The following PDE1C variants were observed in gnomAD, a reference collection of about 807,000 sequenced individuals.
The protein encoded by PDE1C is dual specificity calcium/calmodulin-dependent 3',5'-cyclic nucleotide phosphodiesterase 1C.
PDE1C carries 62 observed loss-of-function variants against 93.1 expected under a neutral mutation model. The ratio of observed to expected loss-of-function variants is 0.67; its 90% CI spans 0.54 to 0.82. The LOEUF is 0.82. Ranked by LOEUF, PDE1C falls within the 40% of genes least tolerant of loss-of-function variation. The probability of loss-of-function intolerance (pLI) is 0.00; values close to 1 mark genes in which losing one functional copy is unlikely to be tolerated. For synonymous variants in PDE1C, 325 were observed against 310.1 expected (o/e 1.05, Z -0.50); for missense variants, 742 against 884.6 (o/e 0.84, Z 2.04).
At chr7:31,877,366 T>A (rs1583735706) in intron 5 of PDE1C, among the ~76,000 whole-genome samples, 1 of 152,150 alleles carries the variant, frequency 6.6e-6, no homozygotes, top group African/African-American at 2.4e-5. Flanking sequence ...CAAGCATTTG[T>A]ATGACTTCCA....
At chr7:31,708,424 G>A in the PDE1C span, 2 of 152,206 alleles carry the variant, frequency 1.3e-5, no homozygotes, top group African/African-American at 4.8e-5. Flanking sequence ...AAAGATACAA[G>A]AGCTTGCCGG....
intron 1 of PDE1C, among the ~76,000 whole-genome samples, chr7:32,360,446 A>G (rs867867012): frequency 6.7e-6 from 1 of 149,066 alleles, no homozygotes. Context: ...GGTCTTTCTC[A>G]TTTTGTGAAC....
rs147401319 is a variant in PDE1C at position 32,420,858 on chromosome 7, C to T, written c.310+6964G>A. On this transcript the variant is annotated intron_variant, in intron 1 of 1. Coordinates refer to the PDE1C transcript ENST00000672256. ...TAGCTTCAATTGCTTCCAACCATGG[C>T]TCAATGTGAGAGTCCGTTTTCCTGA... Among the ~76,000 whole-genome samples, 1,017 of 152,220 alleles carry T rather than the reference C, an allele frequency of 6.7e-3. 4 individuals carry two copies. The highest frequency in any genetic ancestry group is 0.01 in the Non-Finnish European group (686 of 68,028).
chr7:31,990,052 C>T (rs1297530816), intron 2 of PDE1C, among the ~76,000 whole-genome samples: 1 of 152,206 alleles, frequency 6.6e-6, no homozygotes, highest in African/African-American at 2.4e-5. Flanking sequence ...AAAGCAGCTA[C>T]AGTCACATGT....
At chr7:31,996,213 G>A (rs531461293) in intron 2 of PDE1C, among the ~76,000 whole-genome samples, 4 of 152,154 alleles carry the variant, frequency 2.6e-5, no homozygotes, top group Admixed American at 1.3e-4. Flanking sequence ...AAGAAACATC[G>A]TGATTACTCT....
chr7:32,364,431 C>T (rs1784191937), intron 1 of PDE1C, among the ~76,000 whole-genome samples: 1 of 152,186 alleles, frequency 6.6e-6, no homozygotes, highest in Non-Finnish European at 1.5e-5. Context: ...AAGCACTGGC[C>T]TCTGCAGCCC....
At chr7:31,771,575 T>C (rs1795490514) in intron 17 of PDE1C, among the ~76,000 whole-genome samples, 1 of 152,212 alleles carries the variant, frequency 6.6e-6, no homozygotes, top group South Asian at 2.1e-4. Context: ...CTTTTGTTGT[T>C]GTTGCTGCTG....
intron 2 of PDE1C, among the ~76,000 whole-genome samples, chr7:31,896,630 T>C (rs1228663040): frequency 6.6e-6 from 1 of 152,214 alleles, no homozygotes; most frequent in South Asian, 2.1e-4. Flanking sequence ...GGTGATACTA[T>C]TGGCATTGTT....
At chr7:32,319,906 G>T (rs1336915806) in intron 1 of PDE1C, among the ~76,000 whole-genome samples, 2 of 152,152 alleles carry the variant, frequency 1.3e-5, no homozygotes, top group Non-Finnish European at 2.9e-5. Context: ...TATGCCCCTT[G>T]AACATAGATA....
chr7:31,648,945 A>G, the PDE1C span, among the ~76,000 whole-genome samples: 5 of 152,242 alleles, frequency 3.3e-5, no homozygotes, highest in African/African-American at 1.2e-4. Flanking sequence ...ACACGTATCT[A>G]TAACAGATGC....
At chr7:31,625,720 T>G in the PDE1C span, among the ~76,000 whole-genome samples, 1 of 152,104 alleles carries the variant, frequency 6.6e-6, no homozygotes, top group African/African-American at 2.4e-5. Context: ...CATGTATACA[T>G]ATGTACCTAA....
intron 16 of PDE1C, among the ~76,000 whole-genome samples, chr7:31,806,919 A>G (rs1277864001): frequency 6.6e-6 from 1 of 151,956 alleles, no homozygotes; most frequent in East Asian, 1.9e-4. Flanking sequence ...AAAACAATCA[A>G]TATATCTCCT....
chr7:32,382,239 T>A (rs1784550899), intron 1 of PDE1C, among the ~76,000 whole-genome samples: 1 of 152,136 alleles, frequency 6.6e-6, no homozygotes, highest in Admixed American at 6.5e-5. Flanking sequence ...CCTGCCTGAC[T>A]CCCTGGGTTT....
Position 32,194,329 on chromosome 7 carries a change from CCT to C in PDE1C, c.136+15158_136+15159del, listed in dbSNP as rs543619986. Among the ~76,000 whole-genome samples the C allele has an allele frequency of 1.4e-4, 22 of 152,188 alleles. No homozygotes were observed. The South Asian group carries it at 2.3e-3, about 16-fold the overall frequency. Reference sequence around the variant, plus strand: ...ATCTGCATGGTCTGTGGTGATATCCCCTGTTTTATTCCTGATATTCATAATTT... The same window carrying C: ...ATCTGCATGGTCTGTGGTGATATCCCGTTTTATTCCTGATATTCATAATTT... On this transcript the variant is annotated intron_variant, in intron 2 of 18. Transcript: ENST00000396193.
intron 2 of PDE1C, among the ~76,000 whole-genome samples, chr7:31,916,393 A>G (rs1165785526): frequency 6.6e-6 from 1 of 152,234 alleles, no homozygotes; most frequent in East Asian, 1.9e-4. Context: ...TAACTATGAT[A>G]TAGCTGTAGA....
At chr7:32,186,265 G>A (rs1481592360) in intron 2 of PDE1C, among the ~76,000 whole-genome samples, 2 of 151,820 alleles carry the variant, frequency 1.3e-5, no homozygotes, top group South Asian at 2.1e-4. Context: ...ACCGCGCCCG[G>A]CTAATTTTTT....
intron 1 of PDE1C, among the ~76,000 whole-genome samples, chr7:32,267,362 G>T (rs1810657538): frequency 6.6e-6 from 1 of 151,568 alleles, no homozygotes; most frequent in South Asian, 2.1e-4. Context: ...TGGCGCACAG[G>T]TGGCACAAAC....
intron 2 of PDE1C, among the ~76,000 whole-genome samples, chr7:32,035,967 G>T (rs922104904): frequency 2.6e-5 from 4 of 152,126 alleles, no homozygotes; most frequent in Admixed American, 2.6e-4. Flanking sequence ...TGAACAAGAA[G>T]GACAGCCTGG....
chr7:31,827,334 T>A (rs2128746005), intron 12 of PDE1C, among the ~76,000 whole-genome samples: 1 of 152,294 alleles, frequency 6.6e-6, no homozygotes, highest in South Asian at 2.1e-4. Context: ...TACTCACTTC[T>A]TGGGACTCAA....
Sources: allele counts gnomAD v4.1 joint callset (sites outside exome capture counted in the v4.1 genomes callset), GRCh38; gene constraint gnomAD v4.1.1; transcripts MANE v1.5; gene names NCBI Gene and HGNC (gene_info 2026-07-23, HGNC 2026-07-21).